PCDH15: variants seen among roughly 807,000 people sequenced by gnomAD.
PCDH15 encodes the protein protocadherin related 15.
A neutral mutation model predicts 178.5 loss-of-function variants in PCDH15; 129 were observed. That is an observed-to-expected ratio of 0.72 (90% CI 0.63 to 0.84). The LOEUF (loss-of-function observed/expected upper bound fraction) is 0.84, where lower values mean the gene tolerates loss of function less well. PCDH15 is among the 40% of genes least tolerant of loss of function. The pLI, the probability that PCDH15 is intolerant of heterozygous loss-of-function variation, is 0.00. For missense variants in PCDH15, 2,230 were observed against 2,099.9 expected, an observed-to-expected ratio of 1.06 and a Z score of -1.21; for synonymous variants, 800 against 732.0, an observed-to-expected ratio of 1.09 and a Z score of -1.50.
intron 2 of PCDH15, among the ~76,000 whole-genome samples, chr10:55,328,523 A>C (rs1313822580): frequency 6.6e-6 from 1 of 151,694 alleles, no homozygotes; most frequent in Non-Finnish European, 1.5e-5. Context: ...TTATAATCTT[A>C]TGGGATCGCC....
At chr10:55,304,709 T>C (rs958030253) in intron 1 of PCDH15, among the ~76,000 whole-genome samples, 4 of 152,188 alleles carry the variant, frequency 2.6e-5, no homozygotes, top group Non-Finnish European at 4.4e-5. Context: ...AGCTACTCAG[T>C]TTGAACTAAT....
intron 2 of PCDH15, among the ~76,000 whole-genome samples, chr10:55,345,574 C>T (rs1048024834): frequency 2.0e-5 from 3 of 152,078 alleles, no homozygotes; most frequent in Admixed American, 6.6e-5. Flanking sequence ...CTAAAATTTA[C>T]AGTAGTTTAA....
chr10:53,837,860 A>G (rs1290692073), intron 29 of PCDH15, among the ~76,000 whole-genome samples: 2 of 151,844 alleles, frequency 1.3e-5, no homozygotes, highest in East Asian at 1.9e-4. Context: ...TAGACCAGTG[A>G]CTCTAAGCTT....
At chr10:54,608,215 C>A (rs1353002484) in intron 2 of PCDH15, among the ~76,000 whole-genome samples, 1 of 151,700 alleles carries the variant, frequency 6.6e-6, no homozygotes, top group Admixed American at 6.6e-5. Context: ...CAACTGTAAT[C>A]CCAGCACTGT....
At chr10:54,258,803 T>C (rs2057103407) in intron 8 of PCDH15, among the ~76,000 whole-genome samples, 2 of 152,162 alleles carry the variant, frequency 1.3e-5, no homozygotes, top group South Asian at 4.1e-4. Flanking sequence ...AAAAATCTCA[T>C]TTGCAAATAA....
chr10:54,130,136 A>C (rs916034423), intron 15 of PCDH15, among the ~76,000 whole-genome samples: 2 of 147,714 alleles, frequency 1.4e-5, no homozygotes, highest in African/African-American at 5.4e-5. Context: ...ACAGACAAAG[A>C]GGGAGGAAGC....
intron 1 of PCDH15, among the ~76,000 whole-genome samples, chr10:54,786,001 T>A (rs1415278789): frequency 6.6e-6 from 1 of 152,004 alleles, no homozygotes; most frequent in Non-Finnish European, 1.5e-5. Flanking sequence ...TCTACATTTT[T>A]TCATTCAATA....
chr10:54,869,326 G>A (rs1953994162), intron 3 of PCDH15, among the ~76,000 whole-genome samples: 2 of 152,148 alleles, frequency 1.3e-5, no homozygotes, highest in African/African-American at 4.8e-5. Flanking sequence ...TCAGAGTTCA[G>A]CACAGCTTTG....
At chr10:55,051,819 T>C (rs975913602) in intron 2 of PCDH15, among the ~76,000 whole-genome samples, 1 of 152,184 alleles carries the variant, frequency 6.6e-6, no homozygotes, top group African/African-American at 2.4e-5. Context: ...GATCATTTGT[T>C]AGTAATAAGA....
chr10:55,478,669 ATAGAT>A (rs1840110756), intron 2 of PCDH15, among the ~76,000 whole-genome samples: 1 of 151,182 alleles, frequency 6.6e-6, no homozygotes, highest in Admixed American at 6.6e-5. Context: ...AAAAAACTAA[ATAGAT>A]AAGAAAAATA....
At chr10:54,137,122 T>A (rs563343920) in intron 14 of PCDH15, among the ~76,000 whole-genome samples, 1 of 152,104 alleles carries the variant, frequency 6.6e-6, no homozygotes, top group African/African-American at 2.4e-5. Context: ...CTGTAATAAA[T>A]AGTAGTATTT....
intron 13 of PCDH15, among the ~76,000 whole-genome samples, chr10:54,155,026 T>C (rs1310024599): frequency 6.6e-6 from 1 of 152,230 alleles, no homozygotes; most frequent in Non-Finnish European, 1.5e-5. Context: ...ATTTTGATTA[T>C]ACTTAAATCA....
At chr10:55,471,948 C>G (rs994574478) in intron 2 of PCDH15, among the ~76,000 whole-genome samples, 7 of 152,166 alleles carry the variant, frequency 4.6e-5, no homozygotes, top group African/African-American at 7.2e-5. Context: ...TGAAAGGTGA[C>G]TCACGGCCAA....
chr10:55,436,629 C>A (rs1188012713), intron 2 of PCDH15, among the ~76,000 whole-genome samples: 3 of 151,992 alleles, frequency 2.0e-5, no homozygotes, highest in Non-Finnish European at 2.9e-5. Context: ...GTTCAGTTCA[C>A]AAAGACTCCA....
chr10:54,855,575 G>T (rs1191945654), intron 3 of PCDH15, among the ~76,000 whole-genome samples: 1 of 152,168 alleles, frequency 6.6e-6, no homozygotes, highest in East Asian at 1.9e-4. Flanking sequence ...TTCTTAAATT[G>T]CTCTCAGATG....
In PCDH15 at chr10:53,805,481, T is replaced by C. The variant is rs900335634; in HGVS notation, c.*1098A>G. The C allele has an allele frequency of 6.6e-5, 10 of 152,106 alleles. No homozygotes were observed. The highest frequency in any genetic ancestry group is 2.4e-4 in the African/African-American group (10 of 41,442). 9.4% of individuals were successfully genotyped at this position (152,106 alleles called of 1,614,324 possible). On this transcript the variant is annotated 3_prime_UTR_variant, in exon 38 of 38. Transcript: ENST00000644397. ...GACCATGTTCTTTGATTTTAAAAAA[T>C]GCCCAGGCAATGATTTCCTGGTTCT...
intron 3 of PCDH15, among the ~76,000 whole-genome samples, chr10:54,855,428 C>T (rs972001965): frequency 2.0e-5 from 3 of 152,184 alleles, no homozygotes; most frequent in Non-Finnish European, 2.9e-5. Context: ...GATGGGGCCA[C>T]TCCTGATGGT....
At chr10:54,581,613 G>A (rs559927011) in intron 2 of PCDH15, among the ~76,000 whole-genome samples, 1 of 152,074 alleles carries the variant, frequency 6.6e-6, no homozygotes, top group East Asian at 1.9e-4. Context: ...AGCCTGAATA[G>A]CTAAAGGAAG....
rs115420476 is a variant in PCDH15, at chr10:54,134,441, C to T, written c.1785-1434G>A. Among the ~76,000 whole-genome samples the T allele has an allele frequency of 2.4e-3, 362 of 152,202 alleles. 1 individual carries two copies. Among genetic ancestry groups the T allele is most frequent in the African/African-American group, 8.4e-3 (347 of 41,526 alleles). On this transcript the variant is annotated intron_variant, in intron 14 of 37. Coordinates refer to ENST00000644397, the MANE Select transcript of PCDH15 (RefSeq NM_001384140.1). ...GTCTGAGTTTATTAACTACAACATT[C>T]TACTTTTCAAAACCTTTTGAAAGAA... is the stretch of plus-strand genomic sequence containing the variant.
Sources: gnomAD v4.1 joint callset for allele counts (sites outside exome capture counted in the v4.1 genomes callset) on GRCh38, gnomAD v4.1.1 for gene constraint, MANE v1.5 for transcripts, NCBI Gene and HGNC (gene_info 2026-07-23, HGNC 2026-07-21) for gene names.